Variants in ASCC2 observed in about 807,000 individuals in gnomAD.
ASCC2 encodes the protein ASC-1 complex subunit P100.
Under a neutral mutation model 93.5 loss-of-function variants are expected in ASCC2, and 42 were observed. The observed-to-expected ratio is 0.45, with a 90% CI of 0.35 to 0.58. ASCC2 has a LOEUF of 0.58. Ranked by LOEUF, ASCC2 falls within the 20% of genes least tolerant of loss-of-function variation. The pLI is 0.00. For missense variants in ASCC2, 859 were observed against 977.6 expected, an observed-to-expected ratio of 0.88 and a Z score of 1.62; for synonymous variants, 364 against 384.2, an observed-to-expected ratio of 0.95 and a Z score of 0.62.
intron 19 of ASCC2, among the ~76,000 whole-genome samples, chr22:29,789,435 G>A (rs565859974): frequency 2.6e-5 from 4 of 152,326 alleles, no homozygotes; most frequent in East Asian, 3.9e-4. Flanking sequence ...TACGTGTAGC[G>A]GAGGAACAGC....
intron 4 of ASCC2, 120 bp downstream of exon 4, chr22:29,824,967 G>A (rs1290424726): frequency 1.0e-6 from 1 of 1,002,854 alleles, no homozygotes; most frequent in African/African-American, 1.7e-5. Context: ...TGGGAATAAA[G>A]ATGGAAGAGA....
rs550297573 is a variant in ASCC2 at position 29,804,518 on chromosome 22, C to T, written c.1353+120G>A. ...CCAGTTGCTTGAGGCTGTCTATTCC[C>T]CAAAAAAACTTTTTCCCTGAGTATA... On this transcript the variant is annotated intron_variant, in intron 13 of 19. Coordinates refer to ENST00000307790, the MANE Select transcript of ASCC2 (RefSeq NM_032204.5). 340 of 1,269,750 alleles carry T rather than the reference C, an allele frequency of 2.7e-4. 1 individual carries two copies. Among genetic ancestry groups the T allele is most frequent in the Middle Eastern group, 1.1e-3 (5 of 4,656 alleles). The allele number at this position is 1,269,750 out of a possible 1,614,324, so 78.7% of individuals were successfully genotyped here.
intron 15 of ASCC2, among the ~76,000 whole-genome samples, chr22:29,798,532 C>A (rs2058707104): frequency 6.6e-6 from 1 of 152,176 alleles, no homozygotes; most frequent in African/African-American, 2.4e-5. Flanking sequence ...ATAGGTCAAC[C>A]AAGCCTAGAC....
chr22:29,804,358 G>A (rs149897893), intron 13 of ASCC2, among the ~76,000 whole-genome samples: 2,024 of 152,272 alleles, frequency 0.013, 19 homozygotes, highest in Non-Finnish European at 0.019. Flanking sequence ...TCATGGAAAC[G>A]TTCATGGAAA....
At chr22:29,815,449 T>C (rs1202138325) in intron 6 of ASCC2, among the ~76,000 whole-genome samples, 5 of 152,196 alleles carry the variant, frequency 3.3e-5, no homozygotes, top group South Asian at 2.1e-4. Context: ...GGAAACTACA[T>C]TGAAAATAAG....
chr22:29,821,828 A>G, intron 5 of ASCC2: 1 of 357,798 alleles, frequency 2.8e-6, no homozygotes, highest in South Asian at 2.0e-5. Context: ...GACCCCATCT[A>G]CTAAAAAAAA....
intron 9 of ASCC2, among the ~76,000 whole-genome samples, chr22:29,807,526 G>A (rs1232774195): frequency 1.3e-5 from 2 of 152,126 alleles, no homozygotes; most frequent in South Asian, 4.1e-4. Context: ...GTATTTTGGG[G>A]GATTGGGTTA....
At chr22:29,819,788 G>A (rs2061339098) in intron 5 of ASCC2, among the ~76,000 whole-genome samples, 1 of 152,126 alleles carries the variant, frequency 6.6e-6, no homozygotes, top group African/African-American at 2.4e-5. Flanking sequence ...CCTAAGAATT[G>A]TTTCTCTAAC....
intron 1 of ASCC2, among the ~76,000 whole-genome samples, chr22:29,835,742 C>A (rs1436789242): frequency 2.6e-5 from 4 of 152,174 alleles, no homozygotes; most frequent in Non-Finnish European, 4.4e-5. Flanking sequence ...TGTTATTATT[C>A]AAGTCCCAAC....
chr22:29,802,242 C>A, intron 13 of ASCC2, 34 bp from the exon 14 acceptor site: 1 of 1,607,308 alleles, frequency 6.2e-7, no homozygotes, highest in South Asian at 1.1e-5. Context: ...AAGGGGAAGG[C>A]TAAGTGGGCC....
At chr22:29,824,447 T>C (rs1297382017) in intron 4 of ASCC2, among the ~76,000 whole-genome samples, 3 of 152,046 alleles carry the variant, frequency 2.0e-5, no homozygotes, top group African/African-American at 4.8e-5. Flanking sequence ...AGACCTCGTC[T>C]CTACTAAAAA....
At chr22:29,809,548 G>A (rs1306775758) in intron 8 of ASCC2, among the ~76,000 whole-genome samples, 1 of 152,008 alleles carries the variant, frequency 6.6e-6, no homozygotes, top group Non-Finnish European at 1.5e-5. Context: ...GGGAGGCTGA[G>A]GTGGGCAGAT....
intron 5 of ASCC2, chr22:29,821,956 GC>G: frequency 2.2e-6 from 1 of 449,116 alleles, no homozygotes. Flanking sequence ...ATATGATTGC[GC>G]CACTGCACTC....
At chr22:29,833,710 C>G in intron 1 of ASCC2, 2 of 452,716 alleles carry the variant, frequency 4.4e-6, no homozygotes, top group East Asian at 7.2e-5. Context: ...AGAACAGACT[C>G]AATGACAACA....
At chr22:29,827,756 C>CAACACACACA (rs1568952571) in intron 2 of ASCC2, among the ~76,000 whole-genome samples, 63 of 69,540 alleles carry the variant, frequency 9.1e-4, no homozygotes, top group African/African-American at 3.4e-3. Context: ...CTCATTCTCC[C>CAACACACACA]GACACACACA....
intron 7 of ASCC2, 28 bp downstream of exon 7, chr22:29,814,629 A>G: frequency 6.4e-7 from 1 of 1,560,332 alleles, no homozygotes; most frequent in Non-Finnish European, 8.7e-7. Context: ...CCCGGCAGGA[A>G]AGAGACTGGG....
rs5844872 is a variant in ASCC2, at chr22:29,827,899, GACACAC to G, written c.82-2125_82-2120del. Among the ~76,000 whole-genome samples, 43 of 40,000 alleles carry G rather than the reference GACACAC, an allele frequency of 1.1e-3. 3 individuals carry two copies. The highest frequency in any genetic ancestry group is 4.4e-3 in the East Asian group (6 of 1,360). The allele number at this position is 40,000 out of a possible 152,430, so 26.2% of individuals were successfully genotyped here. ...CACACACCAGGCTACTCATTCTTCT[GACACAC>G]ACACACACACACACACACACACACC... On this transcript the variant is annotated intron_variant, in intron 2 of 19. Transcript: ENST00000307790.
At chr22:29,820,902 A>C (rs1255318661) in intron 5 of ASCC2, among the ~76,000 whole-genome samples, 1 of 142,118 alleles carries the variant, frequency 7.0e-6, no homozygotes, top group Non-Finnish European at 1.5e-5. Flanking sequence ...GCGAAACTCC[A>C]TCTCAATACA....
chr22:29,825,985 G>T lies in ASCC2; in HGVS notation c.82-205C>A, dbSNP rs974898148. The T allele has an allele frequency of 4.5e-5, 24 of 530,100 alleles. No homozygotes were observed. In the Admixed American group the frequency reaches 8.2e-4, roughly 18 times the overall value. The allele number at this position is 530,100 out of a possible 1,614,324, so 32.8% of individuals were successfully genotyped here. A position where few individuals can be genotyped will look rare whatever the true frequency, so the allele number is the denominator to read the frequency against. ...GCGGTAATTAAAATCCATGTTTTCG[G>T]AGTGGATTTAATGACACGGGGAAAG... On this transcript the variant is annotated intron_variant, in intron 2 of 19. Transcript: ENST00000307790. This position sits in a 1 kb window ranked among gnomAD's most constrained non-coding sequence, Gnocchi z 4.9.
Sources: gnomAD v4.1 joint callset for allele counts (sites outside exome capture counted in the v4.1 genomes callset) on GRCh38, gnomAD v4.1.1 for gene constraint, Gnocchi (gnomAD v3.1) non-coding constraint, MANE v1.5 for transcripts, NCBI Gene and HGNC (gene_info 2026-07-23, HGNC 2026-07-21) for gene names.